The following PDE1A variants were observed in gnomAD, a reference collection of about 807,000 sequenced individuals.
PDE1A encodes the protein dual specificity calcium/calmodulin-dependent 3',5'-cyclic nucleotide phosphodiesterase 1A.
Under a neutral mutation model 61.7 loss-of-function variants are expected in PDE1A, and 35 were observed. That is an observed-to-expected ratio of 0.57 (90% CI 0.43 to 0.75). PDE1A has a LOEUF of 0.75. Among genes scored for constraint, PDE1A ranks in the 30% least tolerant of loss-of-function variants. The probability of loss-of-function intolerance (pLI) is 0.00; values close to 1 mark genes in which losing one functional copy is unlikely to be tolerated. For synonymous variants in PDE1A, 232 were observed against 213.2 expected (o/e 1.09, Z -0.77); for missense variants, 597 against 630.6 (o/e 0.95, Z 0.57).
chr2:182,376,994 C>T (rs1700447839), intron 1 of PDE1A, among the ~76,000 whole-genome samples: 1 of 152,118 alleles, frequency 6.6e-6, no homozygotes, highest in African/African-American at 2.4e-5. Flanking sequence ...CCACAGGGTC[C>T]CAGTCACAAC....
chr2:182,676,401 C>G, the PDE1A span, among the ~76,000 whole-genome samples: 1 of 151,322 alleles, frequency 6.6e-6, no homozygotes, highest in African/African-American at 2.4e-5. Flanking sequence ...ATAATGAGCT[C>G]TGAAATTGAA....
chr2:182,629,491 A>G, the PDE1A span, among the ~76,000 whole-genome samples: 13 of 152,170 alleles, frequency 8.5e-5, no homozygotes, highest in African/African-American at 2.9e-4. Context: ...ATACACTTAT[A>G]GTGGGAGGAT....
At chr2:182,211,095 G>A (rs1332755616) in intron 7 of PDE1A, among the ~76,000 whole-genome samples, 1 of 152,050 alleles carries the variant, frequency 6.6e-6, no homozygotes, top group East Asian at 1.9e-4. Flanking sequence ...TTATTTATCA[G>A]GATAGAACAC....
At chr2:182,539,874 A>T in the PDE1A span, among the ~76,000 whole-genome samples, 1 of 152,224 alleles carries the variant, frequency 6.6e-6, no homozygotes, top group Non-Finnish European at 1.5e-5. Context: ...TCATTCAGCT[A>T]TGCTCAGGAA....
At chr2:182,278,657 A>G (rs1044232848) in intron 1 of PDE1A, among the ~76,000 whole-genome samples, 5 of 151,974 alleles carry the variant, frequency 3.3e-5, no homozygotes, top group Middle Eastern at 3.2e-3. Context: ...CTAAAAATCT[A>G]ACTGAAACAG....
At chr2:182,238,348 T>A (rs1368531099) in intron 3 of PDE1A, among the ~76,000 whole-genome samples, 2 of 150,806 alleles carry the variant, frequency 1.3e-5, no homozygotes, top group Non-Finnish European at 2.9e-5. Flanking sequence ...GTGGAATGGC[T>A]TGGTTGGGGT....
intron 13 of PDE1A, among the ~76,000 whole-genome samples, chr2:182,181,190 CG>C (rs1487918570): frequency 6.6e-5 from 10 of 152,078 alleles, no homozygotes; most frequent in Non-Finnish European, 1.2e-4. Flanking sequence ...GAATTTTCAG[CG>C]TTTTTGCACT....
chr2:182,162,718 T>G (rs557621508), intron 13 of PDE1A, among the ~76,000 whole-genome samples: 129 of 152,310 alleles, frequency 8.5e-4, no homozygotes, highest in Non-Finnish European at 1.3e-3. Context: ...GAACTGACAT[T>G]GATCCCAAGA....
the PDE1A span, among the ~76,000 whole-genome samples, chr2:182,646,619 G>A: frequency 2.0e-5 from 3 of 151,866 alleles, no homozygotes; most frequent in Admixed American, 6.6e-5. Flanking sequence ...GGGAGGCGGA[G>A]GTTGCAGTGA....
intron 1 of PDE1A, among the ~76,000 whole-genome samples, chr2:182,362,825 T>C (rs1574455307): frequency 6.6e-6 from 1 of 151,978 alleles, no homozygotes; most frequent in Non-Finnish European, 1.5e-5. Flanking sequence ...TAAATGCCCA[T>C]CAATGATAGA....
At chr2:182,449,549 G>A (rs1685376232) in intron 2 of PDE1A, among the ~76,000 whole-genome samples, 1 of 152,004 alleles carries the variant, frequency 6.6e-6, no homozygotes, top group Non-Finnish European at 1.5e-5. Context: ...AACATTTCAA[G>A]TTGAAAGGAG....
chr2:182,332,263 A>C (rs910210549), intron 1 of PDE1A, among the ~76,000 whole-genome samples: 2 of 151,968 alleles, frequency 1.3e-5, no homozygotes, highest in African/African-American at 4.8e-5. Flanking sequence ...ACCTTTTTTC[A>C]AGGTTCTTAG....
chr2:182,546,979 A>AT, the PDE1A span, among the ~76,000 whole-genome samples: 2 of 152,166 alleles, frequency 1.3e-5, no homozygotes, highest in Non-Finnish European at 2.9e-5. Context: ...CTTTCACATT[A>AT]TTTTTTATGG....
chr2:182,203,728 A>G (rs1686865461), intron 8 of PDE1A, among the ~76,000 whole-genome samples: 1 of 151,998 alleles, frequency 6.6e-6, no homozygotes, highest in South Asian at 2.1e-4. Context: ...TTTTCTTGTG[A>G]AAACTTTTAA....
chr2:182,493,419 C>T (rs1688517000), intron 2 of PDE1A, among the ~76,000 whole-genome samples: 1 of 152,094 alleles, frequency 6.6e-6, no homozygotes, highest in Non-Finnish European at 1.5e-5. Context: ...GCTCCTAATG[C>T]TATCCCTCCC....
chr2:182,506,878 C>T (rs1689445246), intron 2 of PDE1A, among the ~76,000 whole-genome samples: 1 of 152,194 alleles, frequency 6.6e-6, no homozygotes, highest in Non-Finnish European at 1.5e-5. Flanking sequence ...TTTTATGCAA[C>T]TATGCAGTTT....
chr2:182,323,578 T>TG (rs1363276184), intron 1 of PDE1A, among the ~76,000 whole-genome samples: 2 of 152,194 alleles, frequency 1.3e-5, no homozygotes, highest in Non-Finnish European at 2.9e-5. Flanking sequence ...TTCAACTTCT[T>TG]GGAGGCAGGG....
At chr2:182,190,987 A>G (rs1452881202) in intron 10 of PDE1A, among the ~76,000 whole-genome samples, 1 of 152,110 alleles carries the variant, frequency 6.6e-6, no homozygotes, top group Non-Finnish European at 1.5e-5. Flanking sequence ...TCCATAATTT[A>G]GAATAGCAAC....
At chr2:182,527,328 ATATATATATATATATATATATATAT>A (rs1690791893), upstream of PDE1A, among the ~76,000 whole-genome samples, 1 of 9,206 alleles carries the variant, frequency 1.1e-4, no homozygotes, top group Non-Finnish European at 1.9e-4. Context: ...AAAAAAAAAA[ATATATATATATATATATATATATAT>A]ATATATATAT....
Sources: gnomAD v4.1 joint callset for allele counts (sites outside exome capture counted in the v4.1 genomes callset) on GRCh38, gnomAD v4.1.1 for gene constraint, MANE v1.5 for transcripts, NCBI Gene and HGNC (gene_info 2026-07-23, HGNC 2026-07-21) for gene names.